Variants in PSME3IP1 observed in about 807,000 individuals in gnomAD.
PSME3IP1 encodes proteasome activator subunit 3 interacting protein 1.
PSME3IP1 carries 13 observed loss-of-function variants against 34.1 expected under a neutral mutation model. The observed-to-expected ratio is 0.38, with a 90% confidence interval of 0.25 to 0.61. The LOEUF is 0.61. Ranked by LOEUF, PSME3IP1 falls within the 20% of genes least tolerant of loss-of-function variation. The probability of loss-of-function intolerance (pLI) is 0.60; values close to 1 mark genes in which losing one functional copy is unlikely to be tolerated. For missense variants in PSME3IP1, 237 were observed against 301.4 expected (o/e 0.79, Z 1.58); for synonymous variants, 93 against 114.3 (o/e 0.81, Z 1.19).
chr16:57,182,888 C>A (rs1412740184), intron 1 of PSME3IP1, among the ~76,000 whole-genome samples: 1 of 151,936 alleles, frequency 6.6e-6, no homozygotes, highest in Non-Finnish European at 1.5e-5. Flanking sequence ...CCAGCCTGCG[C>A]GAAGTGGGCG....
At chr16:57,161,471 G>T (rs1465793603) in intron 6 of PSME3IP1, among the ~76,000 whole-genome samples, 2 of 151,290 alleles carry the variant, frequency 1.3e-5, no homozygotes, top group African/African-American at 4.9e-5. Flanking sequence ...AAAAGCCATA[G>T]TAGCCAAATA....
intron 4 of PSME3IP1, among the ~76,000 whole-genome samples, chr16:57,171,035 T>C (rs1288395177): frequency 1.3e-5 from 2 of 151,894 alleles, no homozygotes; most frequent in Non-Finnish European, 2.9e-5. Flanking sequence ...ATCGCGCCAC[T>C]GCAGTCCAGC....
At chr16:57,171,683 G>C (rs1247599862) in intron 4 of PSME3IP1, among the ~76,000 whole-genome samples, 1 of 152,200 alleles carries the variant, frequency 6.6e-6, no homozygotes, top group Non-Finnish European at 1.5e-5. Context: ...AGAAAAAGAA[G>C]AGACTTTGGG....
At chr16:57,169,015 T>C (rs1350427120) in intron 4 of PSME3IP1, among the ~76,000 whole-genome samples, 1 of 151,944 alleles carries the variant, frequency 6.6e-6, no homozygotes, top group Non-Finnish European at 1.5e-5. Flanking sequence ...TACCACGACA[T>C]AGACAAAACC....
chr16:57,174,335 T>C, intron 1 of PSME3IP1: 1 of 576,990 alleles, frequency 1.7e-6, no homozygotes, highest in Non-Finnish European at 2.2e-6. Context: ...TTATAGGCCA[T>C]TGATGAAAGC....
At chr16:57,157,016 A>C (rs1443507198) in intron 6 of PSME3IP1, among the ~76,000 whole-genome samples, 3 of 152,236 alleles carry the variant, frequency 2.0e-5, no homozygotes. Flanking sequence ...ACCATGAAGA[A>C]GAATAAAGTA....
intron 4 of PSME3IP1, among the ~76,000 whole-genome samples, chr16:57,168,684 T>C (rs1350211758): frequency 6.6e-6 from 1 of 150,538 alleles, no homozygotes; most frequent in African/African-American, 2.5e-5. Context: ...ATTCCTGTAA[T>C]CCCAGCTAGT....
chr16:57,161,758 C>T (rs892072407), intron 6 of PSME3IP1, among the ~76,000 whole-genome samples: 5 of 152,036 alleles, frequency 3.3e-5, no homozygotes, highest in Admixed American at 6.5e-5. Context: ...GTGATTCACC[C>T]GCCTCGGCTC....
chr16:57,167,302 G>T (rs747817233), intron 4 of PSME3IP1, 76 bp from the exon 5 acceptor site: 4 of 1,527,930 alleles, frequency 2.6e-6, no homozygotes, highest in Non-Finnish European at 3.6e-6. Flanking sequence ...TCGGCTGTGC[G>T]ATGTAATGTC....
Position 57,172,260 on chromosome 16 carries a change from C to T in PSME3IP1, c.339G>A (p.Lys113=), listed in dbSNP as rs2072674017. The T allele has an allele frequency of 6.2e-7, 1 of 1,612,810 alleles. No individual in the cohort carries two copies. The highest frequency in any genetic ancestry group is 1.3e-5 in the African/African-American group (1 of 74,880). The change falls in exon 4 of 7, where the codon AAG becomes AAA. Residue 113 remains lysine (K), a synonymous_variant. Transcript: ENST00000309137. Reference sequence around the variant, plus strand: ...CAAGTACAAAGGATATTCTGTATTCCTTCAGTTCTTTCAGTTCTTCTTCTC... The same window carrying T: ...CAAGTACAAAGGATATTCTGTATTCTTTCAGTTCTTTCAGTTCTTCTTCTC... ...QRREEELKEL[K]EYRNNLKKVG... is the part of the protein sequence containing the mutation.
At position 57,186,021 on chromosome 16, in the gene PSME3IP1, T is replaced by C. The variant is rs1318927056; in HGVS notation, c.-216A>G. On this transcript the variant is annotated 5_prime_UTR_variant, in exon 1 of 7. Transcript: ENST00000309137. ...TTTCTTTTGACCCTTCAGGGCTTCC[T>C]GTTCCTCACCGCCACAATAGAGTCC... The C allele has an allele frequency of 2.0e-6, 2 of 984,688 alleles. No individual in the cohort carries two copies. Among genetic ancestry groups the C allele is most frequent in the African/African-American group, 1.8e-5 (1 of 57,102 alleles). 61.0% of individuals were successfully genotyped at this position (984,688 alleles called of 1,614,324 possible).
rs553979314 is a variant in PSME3IP1 at position 57,161,974 on chromosome 16, G to A, written c.547+2027C>T. ...GGCTGGAGAGCAATGGTGCAATCTC[G>A]GCTCACCGCAACCTCTGCCTCCCAG... On this transcript the variant is annotated intron_variant, in intron 6 of 6. Coordinates refer to ENST00000309137, the MANE Select transcript of PSME3IP1 (RefSeq NM_024946.4). 1.2e-4 allele frequency among the ~76,000 whole-genome samples: 18 copies of A among 152,110 alleles called. No homozygotes were observed. In the South Asian group the frequency reaches 3.7e-3, roughly 32 times the overall value.
chr16:57,170,905 T>C (rs1228771740), intron 4 of PSME3IP1, among the ~76,000 whole-genome samples: 1 of 152,056 alleles, frequency 6.6e-6, no homozygotes, highest in Non-Finnish European at 1.5e-5. Context: ...AAACCTCGTC[T>C]CTACTAAAAA....
At chr16:57,171,291 A>G (rs570541366) in intron 4 of PSME3IP1, among the ~76,000 whole-genome samples, 61 of 152,328 alleles carry the variant, frequency 4.0e-4, no homozygotes, top group African/African-American at 1.3e-3. Context: ...AGGCTGCAGT[A>G]CAGTCAACAT....
At chr16:57,162,437 GGT>G (rs1262177807) in intron 6 of PSME3IP1, among the ~76,000 whole-genome samples, 16 of 152,068 alleles carry the variant, frequency 1.1e-4, no homozygotes, top group Non-Finnish European at 1.6e-4. Flanking sequence ...GGCCGAGGCA[GGT>G]GGATCACTTG....
At chr16:57,185,564 AC>A (rs2074102127) in intron 1 of PSME3IP1, 1 of 984,856 alleles carries the variant, frequency 1.0e-6, no homozygotes, top group South Asian at 4.7e-5. Context: ...AATTGGGGAA[AC>A]CCCATTAAAC....
chr16:57,165,544 G>A lies in PSME3IP1; in HGVS notation c.483-1479C>T, dbSNP rs552516167. 7.1e-4 allele frequency among the ~76,000 whole-genome samples: 108 copies of A among 152,254 alleles called. 1 individual carries two copies. Among genetic ancestry groups the A allele is most frequent in the Admixed American group, 3.0e-3 (46 of 15,294 alleles). The stretch of plus-strand genomic sequence containing the variant: ...GTCTTATGCTTCATGACATATACAT[G>A]CCAATGGCTTCCAGACCTTCACCAG... On this transcript the variant is annotated intron_variant, in intron 5 of 6. Coordinates refer to ENST00000309137, the MANE Select transcript of PSME3IP1 (RefSeq NM_024946.4).
Position 57,166,932 on chromosome 16 carries a change from T to G in PSME3IP1, c.482+161A>C, listed in dbSNP as rs544719807. 4.6e-5 allele frequency among the ~76,000 whole-genome samples: 7 copies of G among 152,290 alleles called. No individual in the cohort carries two copies. In the East Asian group the frequency reaches 1.2e-3, roughly 25 times the overall value. ...GATCAGAGAGACGAGGGTCAAAGCC[T>G]ATAGAAGGCCTCAAATCTGGAAAGG... On this transcript the variant is annotated intron_variant, in intron 5 of 6. Coordinates refer to ENST00000309137, the MANE Select transcript of PSME3IP1 (RefSeq NM_024946.4).
chr16:57,158,319 G>A (rs1279494848), intron 6 of PSME3IP1, among the ~76,000 whole-genome samples: 1 of 152,242 alleles, frequency 6.6e-6, no homozygotes, highest in Non-Finnish European at 1.5e-5. Context: ...CAGGCGTGGT[G>A]GCTCACGCCT....
Sources: allele counts gnomAD v4.1 joint callset (sites outside exome capture counted in the v4.1 genomes callset), GRCh38; gene constraint gnomAD v4.1.1; transcripts MANE v1.5; gene names NCBI Gene and HGNC (gene_info 2026-07-23, HGNC 2026-07-21).